The following PZP variants were observed in gnomAD, a reference collection of about 807,000 sequenced individuals.
PZP encodes PZP alpha-2-macroglobulin like.
PZP carries 150 observed loss-of-function variants against 179.8 expected under a neutral mutation model. The ratio of observed to expected loss-of-function variants is 0.83; its 90% CI spans 0.73 to 0.96. The LOEUF (loss-of-function observed/expected upper bound fraction) is 0.96, where lower values mean the gene tolerates loss of function less well. PZP is among the 40% of genes least tolerant of loss of function. PZP has a pLI of 0.00. For synonymous variants in PZP, 624 were observed against 652.3 expected (o/e 0.96, Z 0.66); for missense variants, 1,689 against 1,764.0 (o/e 0.96, Z 0.76).
At chr12:9,164,670 G>A (rs1166113163) in intron 19 of PZP, among the ~76,000 whole-genome samples, 2 of 152,152 alleles carry the variant, frequency 1.3e-5, no homozygotes, top group Non-Finnish European at 2.9e-5. Context: ...GTAGATGAGA[G>A]GCTCCCGATC....
rs771223312 is a variant in PZP at position 9,192,868 on chromosome 12, G to A, written c.1255-129C>T. ...ACTATGCCTCTCCCTCATACTGGTC[G>A]ACAGCCAAATAAATGAATTTTCAGT... On this transcript the variant is annotated intron_variant, in intron 11 of 35. Transcript: ENST00000261336. The A allele has an allele frequency of 3.4e-4, 196 of 571,470 alleles. 1 individual carries two copies. Among genetic ancestry groups the A allele is most frequent in the South Asian group, 1.8e-3 (62 of 34,616 alleles). 35.4% of individuals were successfully genotyped at this position (571,470 alleles called of 1,614,324 possible).
chr12:9,166,133 T>C lies in PZP; in HGVS notation c.2177A>G (p.Asn726Ser), dbSNP rs1238308439. 1.2e-6 allele frequency: 2 copies of C among 1,613,950 alleles called. No homozygotes were observed. The highest frequency in any genetic ancestry group is 2.7e-5 in the African/African-American group (2 of 74,932). The change falls in exon 18 of 36, where the codon AAT (asparagine) becomes AGT (serine). Residue 726 changes from asparagine (N) to serine (S), a missense_variant. Physicochemically the swap from Asn to Ser is conservative, Grantham distance 46 (BLOSUM62 1). This residue lies in a region of PZP where 201 missense variants were observed against 284.2 expected (regional missense o/e 0.71). Coordinates refer to ENST00000261336, the MANE Select transcript of PZP (RefSeq NM_002864.3). ...LGTYNVIPLN[N>S]EQSSGPVPET... is the part of the protein sequence containing the mutation. ...AGGGACTGGCCCTGAACTTTGTTCA[T>C]TATTTAAGGGTATCACATTATATGT...
At chr12:9,204,735 C>T (rs189052324) in intron 1 of PZP, among the ~76,000 whole-genome samples, 1 of 152,174 alleles carries the variant, frequency 6.6e-6, no homozygotes, top group East Asian at 1.9e-4. Flanking sequence ...ATTAGTATGT[C>T]CATGTTTATA....
At chr12:9,139,687 T>C in the PZP span, among the ~76,000 whole-genome samples, 2 of 152,198 alleles carry the variant, frequency 1.3e-5, no homozygotes, top group Non-Finnish European at 2.9e-5. Flanking sequence ...AAATTTCCCT[T>C]TTGGTCTCTT....
chr12:9,150,478 T>G (rs1940270610), intron 34 of PZP, among the ~76,000 whole-genome samples, 166 bp downstream of exon 34: 1 of 152,114 alleles, frequency 6.6e-6, no homozygotes, highest in African/African-American at 2.4e-5. Context: ...GAGATGGGGT[T>G]TTGCTATGTT....
At chr12:9,175,798 C>CA (rs1420092513) in intron 15 of PZP, among the ~76,000 whole-genome samples, 1 of 151,974 alleles carries the variant, frequency 6.6e-6, no homozygotes, top group Non-Finnish European at 1.5e-5. Context: ...GTTAAAAAGT[C>CA]AAAAAACAAC....
chr12:9,166,578 G>A (rs1941601428), intron 17 of PZP, among the ~76,000 whole-genome samples: 1 of 152,062 alleles, frequency 6.6e-6, no homozygotes, highest in African/African-American at 2.4e-5. Context: ...CATTGAGAGT[G>A]GTTGCTATAC....
intron 18 of PZP, among the ~76,000 whole-genome samples, chr12:9,165,708 C>T (rs1369761770): frequency 1.3e-5 from 2 of 152,198 alleles, no homozygotes; most frequent in Non-Finnish European, 2.9e-5. Flanking sequence ...AACAATTAGA[C>T]CACTGGATTA....
chr12:9,186,210 G>T (rs1943109194), intron 13 of PZP, among the ~76,000 whole-genome samples: 1 of 152,166 alleles, frequency 6.6e-6, no homozygotes. Context: ...AGGAAATGCT[G>T]AGGGAATTTG....
chr12:9,193,257 G>A (rs1046065464), intron 11 of PZP, among the ~76,000 whole-genome samples: 1 of 152,004 alleles, frequency 6.6e-6, no homozygotes, highest in East Asian at 1.9e-4. Flanking sequence ...AATGTTTTGC[G>A]CACAATTCTA....
chr12:9,194,156 T>C lies in PZP; in HGVS notation c.1175A>G (p.Asn392Ser). 1 of 1,613,972 alleles carries C rather than the reference T, an allele frequency of 6.2e-7. No homozygotes were observed. Among genetic ancestry groups the C allele is most frequent in the South Asian group, 1.1e-5 (1 of 91,056 alleles). The change falls in exon 11 of 36, where the codon AAT becomes AGT. Residue 392 changes from asparagine to serine, a missense_variant. Transcript: ENST00000261336. ...ISVNDANYYS[N>S]ATTNEQGLAQ... ...AAGACCCTGCTCATTGGTGGTTGCA[T>C]TGGAGTAATAATTGGCGTCATTCAC... is the stretch of plus-strand genomic sequence containing the variant.
rs763474417 is a variant in PZP, at chr12:9,160,808, G to A, written c.2872+225C>T. 3.9e-5 allele frequency among the ~76,000 whole-genome samples: 6 copies of A among 152,110 alleles called. No individual in the cohort carries two copies. The South Asian group carries it at 1.0e-3, about 26-fold the overall frequency. On this transcript the variant is annotated intron_variant, in intron 23 of 35. Coordinates refer to ENST00000261336, the MANE Select transcript of PZP (RefSeq NM_002864.3). ...CGGGCGCCTGTAGTCCCAGCTACTC[G>A]GGAGGCTGAGGCAGGAGAATGGCGT...
chr12:9,154,540 C>T (rs762151835), intron 29 of PZP, 76 bp downstream of exon 29: 50 of 1,334,436 alleles, frequency 3.7e-5, no homozygotes, highest in Non-Finnish European at 5.0e-5. Flanking sequence ...CTTCTCTTTT[C>T]CATTAACTGT....
At chr12:9,175,886 G>A (rs1942330509) in intron 15 of PZP, among the ~76,000 whole-genome samples, 1 of 152,132 alleles carries the variant, frequency 6.6e-6, no homozygotes, top group African/African-American at 2.4e-5. Flanking sequence ...CAACCACTGT[G>A]GAAGAAAGTG....
intron 13 of PZP, among the ~76,000 whole-genome samples, chr12:9,186,345 C>T (rs1208769256): frequency 6.6e-6 from 1 of 152,160 alleles, no homozygotes; most frequent in African/African-American, 2.4e-5. Flanking sequence ...AGAGCAGTTA[C>T]ACAAACAAGT....
Position 9,166,126 on chromosome 12 carries a change from T to G in PZP, c.2184A>C (p.Gln728His), listed in dbSNP as rs763327894. ...TYNVIPLNNE[Q>H]SSGPVPETVR... Reference sequence around the variant, plus strand: ...CCGTTTCAGGGACTGGCCCTGAACTTTGTTCATTATTTAAGGGTATCACAT... The same window carrying G: ...CCGTTTCAGGGACTGGCCCTGAACTGTGTTCATTATTTAAGGGTATCACAT... Residue 728 changes from glutamine to histidine, a missense_variant, in exon 18 of 36, where the codon CAA becomes CAC. By Grantham distance (24) the Gln-to-His change is conservative. Around this residue, in one of 3 missense-constraint regions of PZP, gnomAD observed 201 missense variants for 284.2 expected, o/e 0.71. Transcript: ENST00000261336. The G allele has an allele frequency of 3.1e-5, 50 of 1,613,962 alleles. No homozygotes were observed. Among genetic ancestry groups the G allele is most frequent in the Non-Finnish European group, 4.0e-5 (47 of 1,180,004 alleles).
chr12:9,182,548 G>GT (rs1384737154), intron 13 of PZP, among the ~76,000 whole-genome samples: 1 of 152,028 alleles, frequency 6.6e-6, no homozygotes, highest in Non-Finnish European at 1.5e-5. Context: ...AGCTCTGTAT[G>GT]TAAAAAAAAG....
At chr12:9,139,449 A>G in the PZP span, among the ~76,000 whole-genome samples, 1 of 152,250 alleles carries the variant, frequency 6.6e-6, no homozygotes, top group East Asian at 1.9e-4. Context: ...CATTTGGTCT[A>G]TTGTGTTATT....
chr12:9,191,232 T>C (rs980063899), intron 13 of PZP, among the ~76,000 whole-genome samples: 4 of 152,112 alleles, frequency 2.6e-5, no homozygotes, highest in African/African-American at 9.7e-5. Flanking sequence ...TTAAAACCTT[T>C]GATTATTTCT....
Sources: allele counts gnomAD v4.1 joint callset (sites outside exome capture counted in the v4.1 genomes callset), GRCh38; gene constraint gnomAD v4.1.1; regional missense constraint gnomAD v4.1.1; transcripts MANE v1.5; gene names NCBI Gene and HGNC (gene_info 2026-07-23, HGNC 2026-07-21).